Variants in FHOD3 observed in about 807,000 individuals in gnomAD.
The protein encoded by FHOD3 is FH1/FH2 domain-containing protein 3.
In FHOD3, 90 loss-of-function variants were observed where a neutral mutation model predicts 173.0. That is an observed-to-expected ratio of 0.52 (90% CI 0.44 to 0.62). The LOEUF is 0.62. Ranked by LOEUF, FHOD3 falls within the 20% of genes least tolerant of loss-of-function variation. The pLI, the probability that FHOD3 is intolerant of heterozygous loss-of-function variation, is 0.00. For synonymous variants in FHOD3, 828 were observed against 823.0 expected (o/e 1.01, Z -0.10); for missense variants, 1,945 against 2,034.7 (o/e 0.96, Z 0.85).
chr18:36,460,233 A>G (rs1016092919), intron 3 of FHOD3, among the ~76,000 whole-genome samples: 1 of 152,046 alleles, frequency 6.6e-6, no homozygotes, highest in African/African-American at 2.4e-5. Context: ...TCTATGCTGC[A>G]CTTGTTGGAA....
intron 7 of FHOD3, among the ~76,000 whole-genome samples, chr18:36,597,485 G>A (rs749785688): frequency 6.6e-6 from 1 of 152,172 alleles, no homozygotes; most frequent in Non-Finnish European, 1.5e-5. Context: ...AGAGTGCAGT[G>A]TCACGATCTC....
chr18:36,477,621 C>G (rs1254287196), intron 3 of FHOD3, among the ~76,000 whole-genome samples: 5 of 150,684 alleles, frequency 3.3e-5, no homozygotes. Flanking sequence ...CTATCTATAT[C>G]TATTTATCAT....
chr18:36,595,273 G>A (rs1161722431), intron 7 of FHOD3, among the ~76,000 whole-genome samples: 1 of 151,946 alleles, frequency 6.6e-6, no homozygotes, highest in African/African-American at 2.4e-5. Context: ...ACCCCCAGAT[G>A]TTTCTAGAAC....
chr18:36,641,931 C>T (rs937398860), intron 10 of FHOD3, among the ~76,000 whole-genome samples: 7 of 144,710 alleles, frequency 4.8e-5, no homozygotes, highest in Non-Finnish European at 1.0e-4. Flanking sequence ...CCAGACTGAG[C>T]AACAGAGCGA....
intron 3 of FHOD3, among the ~76,000 whole-genome samples, chr18:36,407,480 C>T (rs534984358): frequency 2.4e-4 from 37 of 152,304 alleles, no homozygotes; most frequent in Non-Finnish European, 3.2e-4. Context: ...CTCACACTCA[C>T]GATTTCAGTT....
At chr18:36,537,754 A>G (rs1384435472) in intron 5 of FHOD3, among the ~76,000 whole-genome samples, 3 of 152,212 alleles carry the variant, frequency 2.0e-5, no homozygotes, top group Non-Finnish European at 4.4e-5. Flanking sequence ...GTTATAGCAT[A>G]AGACTTTAAC....
chr18:36,395,316 C>CAA (rs34684195), intron 3 of FHOD3, among the ~76,000 whole-genome samples: 1,543 of 133,718 alleles, frequency 0.012, 31 homozygotes, highest in African/African-American at 0.036. Flanking sequence ...GACTCCGTCT[C>CAA]AAAAAAAAAA....
intron 20 of FHOD3, among the ~76,000 whole-genome samples, chr18:36,740,281 C>A (rs1307334637): frequency 6.6e-6 from 1 of 152,118 alleles, no homozygotes; most frequent in Non-Finnish European, 1.5e-5. Flanking sequence ...GAACAAAAGT[C>A]AATCTGAGTT....
intron 3 of FHOD3, among the ~76,000 whole-genome samples, chr18:36,434,802 A>AT (rs2050729355): frequency 6.6e-6 from 1 of 151,994 alleles, no homozygotes; most frequent in African/African-American, 2.4e-5. Context: ...TAGGTGTGTC[A>AT]TTTTTTGATG....
At chr18:36,714,334 C>G (rs1427245324) in intron 18 of FHOD3, among the ~76,000 whole-genome samples, 1 of 151,980 alleles carries the variant, frequency 6.6e-6, no homozygotes, top group East Asian at 1.9e-4. Context: ...TTCAGGGGTT[C>G]GAGACCAGCC....
At chr18:36,423,400 A>T (rs2050087300) in intron 3 of FHOD3, among the ~76,000 whole-genome samples, 1 of 152,208 alleles carries the variant, frequency 6.6e-6, no homozygotes, top group Non-Finnish European at 1.5e-5. Context: ...AGCTGATGTC[A>T]TCTCAGCATA....
chr18:36,424,180 C>T (rs74449505), intron 3 of FHOD3, among the ~76,000 whole-genome samples: 2,939 of 152,258 alleles, frequency 0.019, 89 homozygotes, highest in African/African-American at 0.067. Context: ...ATCCTCTATC[C>T]ATCCCACAAT....
At chr18:36,430,737 T>C (rs1007600199) in intron 3 of FHOD3, among the ~76,000 whole-genome samples, 1 of 152,182 alleles carries the variant, frequency 6.6e-6, no homozygotes, top group Non-Finnish European at 1.5e-5. Flanking sequence ...GGGGATAATA[T>C]TGGGCTGGTA....
At chr18:36,627,305 C>T (rs1404962480) in intron 10 of FHOD3, among the ~76,000 whole-genome samples, 2 of 152,138 alleles carry the variant, frequency 1.3e-5, no homozygotes, top group African/African-American at 4.8e-5. Flanking sequence ...TTAGGTGGAC[C>T]TTGTCAGTAG....
intron 3 of FHOD3, among the ~76,000 whole-genome samples, chr18:36,385,352 T>C (rs567959859): frequency 1.3e-5 from 2 of 152,314 alleles, no homozygotes; most frequent in East Asian, 3.9e-4. Flanking sequence ...CCTGCTTAGC[T>C]GCTGGCATTG....
intron 2 of FHOD3, among the ~76,000 whole-genome samples, chr18:36,360,729 G>A (rs9951321): frequency 0.021 from 3,192 of 152,210 alleles, 110 homozygotes; most frequent in African/African-American, 0.073. Context: ...ACAGTTTGTG[G>A]GTTTGTGGGA....
chr18:36,514,889 T>C (rs3859353), intron 5 of FHOD3, among the ~76,000 whole-genome samples: 65,452 of 152,026 alleles, frequency 0.43, 14,672 homozygotes, highest in Non-Finnish European at 0.49. Flanking sequence ...GCTGGCAGAG[T>C]GAGTGCCTTC....
chr18:36,372,577 C>A, intron 2 of FHOD3, 103 bp from the exon 3 acceptor site: 1 of 803,744 alleles, frequency 1.2e-6, no homozygotes, highest in Non-Finnish European at 2.0e-6. Flanking sequence ...TTCTCTGGAT[C>A]CCCACTTAAG....
At chr18:36,547,457 G>A (rs1009948587) in intron 5 of FHOD3, among the ~76,000 whole-genome samples, 1 of 152,168 alleles carries the variant, frequency 6.6e-6, no homozygotes, top group African/African-American at 2.4e-5. Flanking sequence ...ATTTTTAGTA[G>A]AGAAGGGGTT....
Sources: allele counts gnomAD v4.1 joint callset (sites outside exome capture counted in the v4.1 genomes callset), GRCh38; gene constraint gnomAD v4.1.1; transcripts MANE v1.5; gene names NCBI Gene and HGNC (gene_info 2026-07-23, HGNC 2026-07-21).